The following CENPP variants were observed in gnomAD, a reference collection of about 807,000 sequenced individuals.
The protein encoded by CENPP is centromere protein P.
A neutral mutation model predicts 35.6 loss-of-function variants in CENPP; 24 were observed. That is an observed-to-expected ratio of 0.67 (90% CI 0.49 to 0.95). CENPP has a LOEUF of 0.95. CENPP is among the 40% of genes least tolerant of loss of function. The pLI is 0.00. For synonymous variants in CENPP, 120 were observed against 125.5 expected, an observed-to-expected ratio of 0.96 and a Z score of 0.29; for missense variants, 332 against 345.3, an observed-to-expected ratio of 0.96 and a Z score of 0.31.
intron 5 of CENPP, among the ~76,000 whole-genome samples, chr9:92,423,184 A>G (rs991288810): frequency 1.3e-5 from 2 of 152,178 alleles, no homozygotes; most frequent in African/African-American, 4.8e-5. Context: ...ATCACAATAT[A>G]CTGTATTCCT....
intron 5 of CENPP, among the ~76,000 whole-genome samples, chr9:92,581,509 T>C (rs1331381206): frequency 6.6e-6 from 1 of 152,200 alleles, no homozygotes; most frequent in African/African-American, 2.4e-5. Context: ...ACTCTGATCC[T>C]TCAACAGCAG....
chr9:92,587,116 G>GA (rs894064967), intron 5 of CENPP, among the ~76,000 whole-genome samples: 3 of 151,790 alleles, frequency 2.0e-5, no homozygotes, highest in Admixed American at 6.6e-5. Context: ...AGAGAAAAAA[G>GA]AAAAAAACAG....
intron 5 of CENPP, among the ~76,000 whole-genome samples, chr9:92,534,462 C>T (rs947648858): frequency 6.6e-6 from 1 of 152,180 alleles, no homozygotes; most frequent in Non-Finnish European, 1.5e-5. Context: ...AGCATACAAA[C>T]CTTTCTTCAG....
intron 4 of CENPP, among the ~76,000 whole-genome samples, chr9:92,351,488 A>C (rs985053221): frequency 7.9e-5 from 12 of 151,914 alleles, no homozygotes; most frequent in South Asian, 4.2e-4. Context: ...AAAAAAAAAA[A>C]AAAAACCAGA....
At position 92,414,253 on chromosome 9, in the gene CENPP, A is replaced by G. The variant is rs574688525; in HGVS notation, c.564+34394A>G. ...GGCTGATAAGCATAAAGTGTTTAGT[A>G]TTATCTTTAGAACTTTATTTTGCCA... is the stretch of plus-strand genomic sequence containing the variant. On this transcript the variant is annotated intron_variant, in intron 5 of 7. Coordinates refer to ENST00000375587, the MANE Select transcript of CENPP (RefSeq NM_001012267.3). The G allele has an allele frequency of 1.8e-4, 33 of 183,784 alleles. 1 individual carries two copies. In the Middle Eastern group the frequency reaches 8.2e-3, roughly 46 times the overall value. 11.4% of individuals were successfully genotyped at this position (183,784 alleles called of 1,614,324 possible). A position where few individuals can be genotyped will look rare whatever the true frequency, so the allele number is the denominator to read the frequency against.
chr9:92,386,099 T>A (rs1842408239), intron 5 of CENPP: 2 of 892,822 alleles, frequency 2.2e-6, no homozygotes, highest in Non-Finnish European at 3.6e-6. Flanking sequence ...ACTACAGTGA[T>A]CTAACCAAAA....
chr9:92,452,853 T>C (rs1190360197), intron 5 of CENPP, among the ~76,000 whole-genome samples: 1 of 152,198 alleles, frequency 6.6e-6, no homozygotes, highest in African/African-American at 2.4e-5. Context: ...GAGGAATTTA[T>C]CCATTTCTTC....
chr9:92,328,891 C>T (rs1008968067), intron 1 of CENPP, among the ~76,000 whole-genome samples: 8 of 152,330 alleles, frequency 5.3e-5, no homozygotes, highest in African/African-American at 1.2e-4. Context: ...CATTTTTGAG[C>T]GTTCAGCTCA....
chr9:92,536,906 G>C (rs1849191246), intron 5 of CENPP, among the ~76,000 whole-genome samples: 1 of 132,604 alleles, frequency 7.5e-6, no homozygotes, highest in African/African-American at 3.0e-5. Context: ...TTTTTGCTCT[G>C]TTGCCCAGGC....
chr9:92,483,588 T>A (rs1010721757), intron 5 of CENPP, among the ~76,000 whole-genome samples: 1 of 152,174 alleles, frequency 6.6e-6, no homozygotes, highest in African/African-American at 2.4e-5. Flanking sequence ...ACCCCAATGG[T>A]TCTTCCCAAC....
At position 92,508,172 on chromosome 9, in the gene CENPP, T is replaced by C. The variant is rs200115147; in HGVS notation, c.565-103142T>C. On this transcript the variant is annotated intron_variant, in intron 5 of 7. Coordinates refer to ENST00000375587, the MANE Select transcript of CENPP (RefSeq NM_001012267.3). The stretch of plus-strand genomic sequence containing the variant: ...GCCTGACCATCCACAGCATCAGGAC[T>C]CCCAGCCAGGGGGAGCCCAGCACCC... Among the ~76,000 whole-genome samples the C allele has an allele frequency of 7.4e-3, 1,122 of 152,244 alleles. 14 individuals are homozygous for C. The highest frequency in any genetic ancestry group is 0.025 in the African/African-American group (1,043 of 41,540).
At chr9:92,350,607 G>A (rs16908313) in intron 4 of CENPP, among the ~76,000 whole-genome samples, 3,076 of 152,204 alleles carry the variant, frequency 0.02, 110 homozygotes, top group African/African-American at 0.07. Context: ...GATGGAGAAC[G>A]AAATATCGTG....
intron 5 of CENPP, among the ~76,000 whole-genome samples, chr9:92,484,872 C>T (rs1049907623): frequency 6.6e-5 from 10 of 152,206 alleles, no homozygotes; most frequent in Non-Finnish European, 1.2e-4. Context: ...ACTTTTCCTT[C>T]TCCCCACTGT....
At chr9:92,352,505 G>GTATAAATATATATATATATATATATA in intron 4 of CENPP, among the ~76,000 whole-genome samples, 2 of 49,764 alleles carry the variant, frequency 4.0e-5, no homozygotes, top group South Asian at 1.3e-3. Context: ...GTGTGTGTGT[G>GTATAAATATATATATATATATATATA]TATACATATA....
intron 3 of CENPP, among the ~76,000 whole-genome samples, chr9:92,341,258 T>C (rs1841108571): frequency 6.6e-6 from 1 of 152,194 alleles, no homozygotes; most frequent in South Asian, 2.1e-4. Context: ...ATTAGCAATT[T>C]TAATTTCGCC....
At chr9:92,433,095 C>A (rs527700422) in intron 5 of CENPP, among the ~76,000 whole-genome samples, 2 of 152,064 alleles carry the variant, frequency 1.3e-5, no homozygotes, top group South Asian at 4.1e-4. Flanking sequence ...CAGAATACCA[C>A]GCAATGAATA....
intron 5 of CENPP, chr9:92,389,848 A>G: frequency 6.3e-7 from 1 of 1,578,044 alleles, no homozygotes; most frequent in Non-Finnish European, 8.7e-7. Context: ...ACTATAAAAT[A>G]CTTACTTTGA....
intron 5 of CENPP, among the ~76,000 whole-genome samples, chr9:92,418,774 T>G (rs1588116771): frequency 6.6e-6 from 1 of 152,206 alleles, no homozygotes; most frequent in East Asian, 1.9e-4. Flanking sequence ...TGTTTCCTTT[T>G]AATATTTTCT....
intron 5 of CENPP, among the ~76,000 whole-genome samples, chr9:92,564,248 G>A (rs1374191903): frequency 6.6e-6 from 1 of 152,052 alleles, no homozygotes; most frequent in South Asian, 2.1e-4. Flanking sequence ...ATTTAGCCAG[G>A]TGTGATGGCG....
Sources: gnomAD v4.1 joint callset for allele counts (sites outside exome capture counted in the v4.1 genomes callset) on GRCh38, gnomAD v4.1.1 for gene constraint, MANE v1.5 for transcripts, NCBI Gene and HGNC (gene_info 2026-07-23, HGNC 2026-07-21) for gene names.